Variants in BACE2 observed in about 807,000 individuals in gnomAD.
The protein encoded by BACE2 is beta-secretase 2.
In BACE2, 17 loss-of-function variants were observed where a neutral mutation model predicts 46.2. That is an observed-to-expected ratio of 0.37 (90% CI 0.25 to 0.55). The LOEUF (loss-of-function observed/expected upper bound fraction) is 0.55. Among genes scored for constraint, BACE2 ranks in the 20% least tolerant of loss-of-function variants. The probability of loss-of-function intolerance (pLI) is 0.82; values close to 1 mark genes in which losing one functional copy is unlikely to be tolerated. For missense variants in BACE2, 595 were observed against 698.1 expected (o/e 0.85, Z 1.66); for synonymous variants, 277 against 295.9 (o/e 0.94, Z 0.66).
At chr21:41,194,196 T>C (rs1034840797) in intron 1 of BACE2, among the ~76,000 whole-genome samples, 5 of 152,062 alleles carry the variant, frequency 3.3e-5, no homozygotes, top group Non-Finnish European at 7.4e-5. Context: ...TTCCTATCAA[T>C]TTCACTTCTA....
At chr21:41,187,940 A>G (rs1985435146) in intron 1 of BACE2, among the ~76,000 whole-genome samples, 1 of 152,234 alleles carries the variant, frequency 6.6e-6, no homozygotes, top group Admixed American at 6.5e-5. Flanking sequence ...TTTTGTATAT[A>G]TAAGAATTTA....
At chr21:41,251,979 C>T (rs1987653952) in intron 7 of BACE2, among the ~76,000 whole-genome samples, 1 of 152,196 alleles carries the variant, frequency 6.6e-6, no homozygotes, top group East Asian at 1.9e-4. Flanking sequence ...TCACCTCTTC[C>T]TCCTCCCCTC....
chr21:41,241,826 G>C lies in BACE2; in HGVS notation c.626G>C (p.Ser209Thr), dbSNP rs1179798520. The change falls in exon 4 of 9, where the codon AGT becomes ACT. Residue 209 changes from serine (S) to threonine (T), a missense_variant. Ser to Thr is a moderately conservative substitution (Grantham distance 58). Coordinates refer to ENST00000330333, the MANE Select transcript of BACE2 (RefSeq NM_012105.5). ...LAYATLAKPS[S>T]SLETFFDSLV... ...TCTGTCGCCCTCCCGCAGCCATCAA[G>C]TTCTCTGGAGACCTTCTTCGACTCC... 1.2e-6 allele frequency: 2 copies of C among 1,614,158 alleles called. No individual in the cohort carries two copies. The highest frequency in any genetic ancestry group is 1.7e-6 in the Non-Finnish European group (2 of 1,180,022).
At chr21:41,216,240 A>T (rs145608146) in intron 1 of BACE2, among the ~76,000 whole-genome samples, 35 of 152,284 alleles carry the variant, frequency 2.3e-4, no homozygotes, top group South Asian at 1.5e-3. Flanking sequence ...GGCCGCTCAG[A>T]CACATGATGT....
At chr21:41,184,537 CT>C (rs1221200088) in intron 1 of BACE2, 4 of 167,110 alleles carry the variant, frequency 2.4e-5, no homozygotes, top group Non-Finnish European at 4.4e-5. Context: ...CCATCAACTA[CT>C]TTCCACAGTG....
Position 41,275,854 on chromosome 21 carries a change from A to C in BACE2, c.*230A>C. The C allele has an allele frequency of 1.7e-6, 1 of 586,324 alleles. No homozygotes were observed. The allele number at this position is 586,324 out of a possible 1,614,324, so 36.3% of individuals were successfully genotyped here. A position where few individuals can be genotyped will look rare whatever the true frequency, so the allele number is the denominator to read the frequency against. ...AATTAAAAAAAAAACTTCATTCTAA[A>C]CCAAAACAGAGTGGATTGGGCTGCA... is the stretch of plus-strand genomic sequence containing the variant. On this transcript the variant is annotated 3_prime_UTR_variant, in exon 9 of 9. Transcript: ENST00000330333.
intron 1 of BACE2, among the ~76,000 whole-genome samples, chr21:41,221,946 G>A (rs965603224): frequency 2.0e-5 from 3 of 152,142 alleles, no homozygotes; most frequent in Non-Finnish European, 2.9e-5. Flanking sequence ...GAGGCTTCAC[G>A]CTGGTGGGGC....
chr21:41,216,717 G>A (rs1404648747), intron 1 of BACE2, among the ~76,000 whole-genome samples: 1 of 152,216 alleles, frequency 6.6e-6, no homozygotes, highest in Non-Finnish European at 1.5e-5. Flanking sequence ...TGTGTGGAGG[G>A]CAAGTCTTGT....
chr21:41,206,078 A>G (rs1347236554), intron 1 of BACE2, among the ~76,000 whole-genome samples: 1 of 152,174 alleles, frequency 6.6e-6, no homozygotes, highest in African/African-American at 2.4e-5. Flanking sequence ...GTCTATACTT[A>G]TGTTTTAGTT....
intron 2 of BACE2, among the ~76,000 whole-genome samples, chr21:41,234,756 A>G (rs1987067351): frequency 6.6e-6 from 1 of 152,250 alleles, no homozygotes; most frequent in African/African-American, 2.4e-5. Context: ...CTGAATTTAT[A>G]TTGGCACTAA....
chr21:41,201,424 C>A (rs1454373647), intron 1 of BACE2, among the ~76,000 whole-genome samples: 1 of 152,228 alleles, frequency 6.6e-6, no homozygotes, highest in Admixed American at 6.5e-5. Context: ...TATCCAAGGG[C>A]TGAAGCCATC....
chr21:41,168,369 G>T lies in BACE2; in HGVS notation c.106G>T (p.Ala36Ser). The change falls in exon 1 of 9, where the codon GCC (alanine) becomes TCC (serine). Residue 36 changes from alanine (A) to serine (S), a missense_variant. Around this residue, in one of 3 missense-constraint regions of BACE2, gnomAD observed 248 missense variants for 261.4 expected, o/e 0.95. Transcript: ENST00000330333. Reference sequence around the variant, plus strand: ...GCCCTTCACGCTGCCCCTCCGGGTGGCCGCGGCCACGAACCGCGTAGTTGC... The same window carrying T: ...GCCCTTCACGCTGCCCCTCCGGGTGTCCGCGGCCACGAACCGCGTAGTTGC... ...PAPFTLPLRVAAATNRVVAPT... is the reference protein window; with the variant it reads ...PAPFTLPLRVSAATNRVVAPT... 4 of 1,394,706 alleles carry T rather than the reference G, an allele frequency of 2.9e-6. No homozygotes were observed. The highest frequency in any genetic ancestry group is 3.7e-6 in the Non-Finnish European group (4 of 1,070,772). 86.4% of individuals were successfully genotyped at this position (1,394,706 alleles called of 1,614,324 possible). A position where few individuals can be genotyped will look rare whatever the true frequency, so the allele number is the denominator to read the frequency against.
chr21:41,231,450 C>T (rs1005968950), intron 2 of BACE2, among the ~76,000 whole-genome samples: 2 of 152,126 alleles, frequency 1.3e-5, no homozygotes, highest in African/African-American at 4.8e-5. Flanking sequence ...CTCAGCATTC[C>T]CTGGGTCGAA....
chr21:41,234,503 G>C (rs73902964), intron 2 of BACE2, among the ~76,000 whole-genome samples: 7 of 152,296 alleles, frequency 4.6e-5, no homozygotes, highest in African/African-American at 1.2e-4. Flanking sequence ...TTTGAGAGCT[G>C]AGTAGTTATC....
intron 8 of BACE2, among the ~76,000 whole-genome samples, chr21:41,267,387 T>C (rs1226867310): frequency 6.6e-6 from 1 of 152,146 alleles, no homozygotes; most frequent in Non-Finnish European, 1.5e-5. Context: ...ACGAAAATAA[T>C]AGAGTGTTAA....
chr21:41,262,364 A>G (rs909498069), intron 8 of BACE2, among the ~76,000 whole-genome samples: 9 of 152,136 alleles, frequency 5.9e-5, no homozygotes, highest in African/African-American at 2.2e-4. Context: ...TTTATGCCTG[A>G]GCCTACTTCT....
intron 1 of BACE2, chr21:41,176,518 TTGGAGGCCAC>T (rs1219009601): frequency 2.6e-5 from 4 of 152,250 alleles, no homozygotes; most frequent in Non-Finnish European, 5.9e-5. Flanking sequence ...TGGACTCTAT[TTGGAGGCCAC>T]TGCAGAGGCC....
chr21:41,173,485 T>TA (rs969254547), intron 1 of BACE2, among the ~76,000 whole-genome samples: 7 of 152,176 alleles, frequency 4.6e-5, no homozygotes, highest in Non-Finnish European at 1.0e-4. Flanking sequence ...CTCATGCCTG[T>TA]AATCCCAGCA....
At chr21:41,177,522 C>G (rs1439344010) in intron 1 of BACE2, 1 of 152,272 alleles carries the variant, frequency 6.6e-6, no homozygotes, top group African/African-American at 2.4e-5. Flanking sequence ...CAGTAATACC[C>G]TTGGGACGGG....
Sources: allele counts gnomAD v4.1 joint callset (sites outside exome capture counted in the v4.1 genomes callset), GRCh38; gene constraint gnomAD v4.1.1; regional missense constraint gnomAD v4.1.1; transcripts MANE v1.5; gene names NCBI Gene and HGNC (gene_info 2026-07-23, HGNC 2026-07-21).